Variants in WDR70 observed in about 807,000 individuals in gnomAD.
WDR70 encodes WD repeat domain 70, also known as WD repeat-containing protein 70.
Under a neutral mutation model 88.6 loss-of-function variants are expected in WDR70, and 53 were observed. That is an observed-to-expected ratio of 0.60 (90% CI 0.48 to 0.75). The LOEUF is 0.75. Among genes scored for constraint, WDR70 ranks in the 30% least tolerant of loss-of-function variants. The pLI is 0.00. For synonymous variants in WDR70, 280 were observed against 270.0 expected (o/e 1.04, Z -0.36); for missense variants, 610 against 823.2 (o/e 0.74, Z 3.17).
intron 10 of WDR70, among the ~76,000 whole-genome samples, chr5:37,695,498 A>G (rs1746954315): frequency 6.6e-6 from 1 of 152,124 alleles, no homozygotes. Context: ...TCAGGGTTTC[A>G]CCAGGCTAAA....
intron 9 of WDR70, among the ~76,000 whole-genome samples, chr5:37,547,523 G>A (rs1742031953): frequency 6.6e-6 from 1 of 151,964 alleles, no homozygotes; most frequent in Admixed American, 6.6e-5. Context: ...TACATAGTAA[G>A]TGTATATATT....
chr5:37,735,769 T>C (rs1401238910), intron 17 of WDR70, among the ~76,000 whole-genome samples: 1 of 152,164 alleles, frequency 6.6e-6, no homozygotes, highest in Non-Finnish European at 1.5e-5. Context: ...AATGTGTGTC[T>C]GGTTGGTTTT....
intron 7 of WDR70, among the ~76,000 whole-genome samples, chr5:37,477,768 G>A (rs1293270441): frequency 1.3e-5 from 2 of 152,064 alleles, no homozygotes; most frequent in African/African-American, 4.8e-5. Context: ...TCATCTCCTT[G>A]TCTCAATCTC....
intron 7 of WDR70, chr5:37,479,592 A>C: frequency 9.6e-6 from 3 of 313,554 alleles, no homozygotes; most frequent in East Asian, 1.1e-4. Flanking sequence ...GCTGATTTTG[A>C]ACTCCTGACC....
intron 10 of WDR70, among the ~76,000 whole-genome samples, chr5:37,607,530 T>C (rs574774368): frequency 6.6e-6 from 1 of 152,310 alleles, no homozygotes; most frequent in African/African-American, 2.4e-5. Flanking sequence ...TACATTTCTG[T>C]GTTCTCAAGA....
At chr5:37,646,846 T>C (rs1382985890) in intron 10 of WDR70, among the ~76,000 whole-genome samples, 1 of 152,200 alleles carries the variant, frequency 6.6e-6, no homozygotes. Context: ...GCTCTTTTTT[T>C]AGGTTAAATC....
intron 10 of WDR70, among the ~76,000 whole-genome samples, chr5:37,653,267 G>C (rs1745458012): frequency 6.6e-6 from 1 of 152,136 alleles, no homozygotes; most frequent in South Asian, 2.1e-4. Flanking sequence ...TGTTGAACCA[G>C]CCTTGCATCC....
At chr5:37,495,466 TTCTC>T (rs1478137179) in intron 8 of WDR70, among the ~76,000 whole-genome samples, 1 of 151,292 alleles carries the variant, frequency 6.6e-6, no homozygotes, top group African/African-American at 2.4e-5. Flanking sequence ...CTCTCTCTCT[TTCTC>T]TCTCTCTGTG....
At chr5:37,395,738 A>G (rs1447797647) in intron 4 of WDR70, among the ~76,000 whole-genome samples, 2 of 152,080 alleles carry the variant, frequency 1.3e-5, no homozygotes, top group Non-Finnish European at 2.9e-5. Flanking sequence ...GTCCGTTACT[A>G]TTTTGTAGTT....
At chr5:37,424,825 A>G (rs547171860) in intron 5 of WDR70, among the ~76,000 whole-genome samples, 1 of 152,322 alleles carries the variant, frequency 6.6e-6, no homozygotes, top group Non-Finnish European at 1.5e-5. Context: ...CTTTTTGTCA[A>G]AAAAGTATTT....
intron 10 of WDR70, among the ~76,000 whole-genome samples, chr5:37,614,869 A>C (rs1349774041): frequency 2.0e-5 from 3 of 152,188 alleles, no homozygotes; most frequent in Non-Finnish European, 4.4e-5. Flanking sequence ...AGAATAAGCA[A>C]GTCAGAGGAG....
At chr5:37,548,239 G>A (rs1443375384) in intron 9 of WDR70, among the ~76,000 whole-genome samples, 1 of 152,082 alleles carries the variant, frequency 6.6e-6, no homozygotes, top group Non-Finnish European at 1.5e-5. Flanking sequence ...TCTCCATAGT[G>A]GTTTTATGAA....
At chr5:37,679,042 C>T (rs1334429074) in intron 10 of WDR70, among the ~76,000 whole-genome samples, 1 of 152,246 alleles carries the variant, frequency 6.6e-6, no homozygotes, top group Non-Finnish European at 1.5e-5. Context: ...GAGGCTTCTG[C>T]ATTCTTCACG....
rs541713673 is a variant in WDR70, at chr5:37,692,050, A to T, written c.1093-5605A>T. The stretch of plus-strand genomic sequence containing the variant: ...TCACCACCGATCCCACAGAAATACA[A>T]ACTACCATCAAAGAATACTATAAAC... On this transcript the variant is annotated intron_variant, in intron 10 of 17. Transcript: ENST00000265107. Among the ~76,000 whole-genome samples, 38 of 152,320 alleles carry T rather than the reference A, an allele frequency of 2.5e-4. 1 individual carries two copies. The South Asian group carries it at 7.9e-3, about 32-fold the overall frequency.
At chr5:37,681,032 A>G (rs1445238271) in intron 10 of WDR70, among the ~76,000 whole-genome samples, 2 of 151,972 alleles carry the variant, frequency 1.3e-5, no homozygotes, top group Admixed American at 6.5e-5. Flanking sequence ...TTTGGGCAGT[A>G]TGGCCATTTT....
chr5:37,455,430 C>G (rs540680947), intron 7 of WDR70, among the ~76,000 whole-genome samples: 3 of 151,236 alleles, frequency 2.0e-5, no homozygotes, highest in African/African-American at 7.3e-5. Context: ...TTAGTAGAGA[C>G]GGGGTTTCAC....
At chr5:37,436,679 C>T (rs1490591873) in intron 5 of WDR70, among the ~76,000 whole-genome samples, 1 of 151,956 alleles carries the variant, frequency 6.6e-6, no homozygotes, top group Non-Finnish European at 1.5e-5. Context: ...AAAGTGGGGA[C>T]ACTGAGGGAA....
intron 9 of WDR70, among the ~76,000 whole-genome samples, chr5:37,579,850 C>T (rs1013417253): frequency 4.0e-5 from 6 of 151,338 alleles, no homozygotes; most frequent in Non-Finnish European, 8.8e-5. Flanking sequence ...AGATCATTTC[C>T]ACCTTCTCTT....
intron 8 of WDR70, among the ~76,000 whole-genome samples, chr5:37,507,445 A>G (rs927593448): frequency 1.3e-5 from 2 of 152,226 alleles, no homozygotes; most frequent in Non-Finnish European, 1.5e-5. Flanking sequence ...GCTGTCAAAC[A>G]TGAGAACTTA....
Sources: gnomAD v4.1 joint callset for allele counts (sites outside exome capture counted in the v4.1 genomes callset) on GRCh38, gnomAD v4.1.1 for gene constraint, MANE v1.5 for transcripts, NCBI Gene and HGNC (gene_info 2026-07-23, HGNC 2026-07-21) for gene names.